SHANK2: variants seen among roughly 807,000 people sequenced by gnomAD.
SHANK2 encodes the protein SH3 and multiple ankyrin repeat domains protein 2.
In SHANK2, 43 loss-of-function variants were observed where a neutral mutation model predicts 133.7. The observed-to-expected ratio is 0.32, with a 90% CI of 0.25 to 0.41. SHANK2 has a LOEUF of 0.41. SHANK2 is among the 10% of genes least tolerant of loss of function. SHANK2 has a pLI of 1.00. For missense variants in SHANK2, 1,994 were observed against 2,235.8 expected (o/e 0.89, Z 2.18); for synonymous variants, 1,017 against 952.8 (o/e 1.07, Z -1.24).
chr11:71,196,954 C>T (rs1414508826), intron 2 of SHANK2, among the ~76,000 whole-genome samples: 6 of 144,972 alleles, frequency 4.1e-5, no homozygotes, highest in African/African-American at 1.0e-4. Flanking sequence ...GCTGAGATAG[C>T]GCCACCGCAC....
chr11:70,859,718 G>A (rs1441612170), intron 11 of SHANK2, among the ~76,000 whole-genome samples: 1 of 152,200 alleles, frequency 6.6e-6, no homozygotes, highest in Non-Finnish European at 1.5e-5. Context: ...CTTGAATGTG[G>A]TTTGACCTCC....
At chr11:70,949,503 G>A (rs1404004260) in intron 10 of SHANK2, among the ~76,000 whole-genome samples, 1 of 152,248 alleles carries the variant, frequency 6.6e-6, no homozygotes. Context: ...AACCTGAGAT[G>A]GACCAGAATC....
chr11:71,123,665 G>T (rs1952118758), intron 3 of SHANK2, among the ~76,000 whole-genome samples: 1 of 152,170 alleles, frequency 6.6e-6, no homozygotes, highest in Non-Finnish European at 1.5e-5. Context: ...TCTGATTCTG[G>T]TCTCCCCACA....
At chr11:71,174,131 A>T (rs1349754415) in intron 2 of SHANK2, among the ~76,000 whole-genome samples, 1 of 152,242 alleles carries the variant, frequency 6.6e-6, no homozygotes, top group Non-Finnish European at 1.5e-5. Context: ...TGTACGCTTC[A>T]AGTCTCATCC....
chr11:70,705,590 C>T (rs1455353981), intron 14 of SHANK2: 1 of 152,182 alleles, frequency 6.6e-6, no homozygotes, highest in African/African-American at 2.4e-5. Context: ...AGAGGAGACC[C>T]CTCTGCCTGT....
chr11:70,488,239 G>T (rs782215524), intron 24 of SHANK2, among the ~76,000 whole-genome samples: 4 of 152,210 alleles, frequency 2.6e-5, no homozygotes, highest in Non-Finnish European at 4.4e-5. Context: ...GCTGTCACCT[G>T]TGCATCTGAA....
chr11:71,097,159 C>T (rs782034916), intron 6 of SHANK2, among the ~76,000 whole-genome samples: 1 of 152,218 alleles, frequency 6.6e-6, no homozygotes, highest in Non-Finnish European at 1.5e-5. Flanking sequence ...ATGTTCCAGA[C>T]TTGCATGTTC....
chr11:70,852,828 G>A (rs1949108325), intron 11 of SHANK2, among the ~76,000 whole-genome samples: 1 of 152,234 alleles, frequency 6.6e-6, no homozygotes. Context: ...GGGCAACAAA[G>A]CAAGACTCTG....
intron 8 of SHANK2, among the ~76,000 whole-genome samples, chr11:71,080,220 T>C (rs957268149): frequency 9.2e-5 from 14 of 152,056 alleles, no homozygotes; most frequent in African/African-American, 3.1e-4. Flanking sequence ...AAAATGCATG[T>C]GTGGGAGGCT....
At chr11:70,600,086 T>C (rs781216682) in intron 17 of SHANK2, among the ~76,000 whole-genome samples, 13 of 152,174 alleles carry the variant, frequency 8.5e-5, no homozygotes, top group South Asian at 4.1e-4. Flanking sequence ...GGGTTTGTTG[T>C]TGCTGTTTTG....
intron 8 of SHANK2, among the ~76,000 whole-genome samples, chr11:71,086,423 T>G (rs1231040057): frequency 1.5e-5 from 2 of 131,018 alleles, no homozygotes; most frequent in African/African-American, 5.7e-5. Flanking sequence ...ATATAATACA[T>G]ATTATATATT....
chr11:71,155,723 T>C (rs75861036), intron 2 of SHANK2, among the ~76,000 whole-genome samples: 2 of 111,596 alleles, frequency 1.8e-5, no homozygotes, highest in Non-Finnish European at 3.4e-5. Flanking sequence ...CCACCCCAAG[T>C]AGAGTGACTA....
At chr11:71,073,174 T>TTTTTTTTTTTTTTTTTTTTTTA (rs1951171472) in intron 9 of SHANK2, among the ~76,000 whole-genome samples, 1 of 117,514 alleles carries the variant, frequency 8.5e-6, no homozygotes. Context: ...TCTTTTTTTT[T>TTTTTTTTTTTTTTTTTTTTTTA]TTGAGATAGA....
intron 10 of SHANK2, among the ~76,000 whole-genome samples, chr11:70,898,085 C>T (rs999248740): frequency 6.6e-6 from 1 of 151,520 alleles, no homozygotes; most frequent in Non-Finnish European, 1.5e-5. Context: ...GCCTCAGCCT[C>T]CTGAGTATCT....
intron 17 of SHANK2, among the ~76,000 whole-genome samples, chr11:70,595,577 AGAGGT>A (rs1476711901): frequency 6.6e-6 from 1 of 152,148 alleles, no homozygotes; most frequent in Non-Finnish European, 1.5e-5. Context: ...CTGTCACAGG[AGAGGT>A]GAGGGAAAGT....
intron 14 of SHANK2, among the ~76,000 whole-genome samples, chr11:70,729,401 G>A (rs1352012176): frequency 6.6e-6 from 1 of 152,112 alleles, no homozygotes; most frequent in Non-Finnish European, 1.5e-5. Context: ...TAGGGAGGAA[G>A]TAACTGCTTC....
At chr11:71,226,510 A>G (rs1954647132) in intron 1 of SHANK2, 1 of 152,248 alleles carries the variant, frequency 6.6e-6, no homozygotes, top group South Asian at 2.1e-4. Flanking sequence ...ATCAGAATTA[A>G]ACTTCTGAAC....
rs1555055697 is a variant in SHANK2 at position 70,820,584 on chromosome 11, T to G, written c.1273A>C (p.Asn425His). ...RVLLRSNSDN[N>H]LNASAPDWAV... Reference sequence around the variant, plus strand: ...CAGTCGGGAGCGCTGGCATTGAGGTTGTTGTCACTGTTGGAGCGCAGCAGG... The same window carrying G: ...CAGTCGGGAGCGCTGGCATTGAGGTGGTTGTCACTGTTGGAGCGCAGCAGG... Residue 425 changes from asparagine to histidine, a missense_variant, in exon 12 of 26, where the codon AAC (asparagine) becomes CAC (histidine). This residue lies in a region of SHANK2 where 653 missense variants were observed against 563.4 expected (regional missense o/e 1.16). Coordinates refer to ENST00000601538, the MANE Select transcript of SHANK2 (RefSeq NM_012309.5). 1.4e-6 allele frequency: 1 copy of G among 716,668 alleles called. No individual in the cohort carries two copies. The highest frequency in any genetic ancestry group is 1.7e-5 in the African/African-American group (1 of 57,362). 44.4% of individuals were successfully genotyped at this position (716,668 alleles called of 1,614,324 possible).
At chr11:70,759,548 T>G (rs910918392) in intron 14 of SHANK2, among the ~76,000 whole-genome samples, 4 of 152,192 alleles carry the variant, frequency 2.6e-5, no homozygotes, top group Admixed American at 2.6e-4. Context: ...GGGCACGTCT[T>G]GTTATGCTGC....
Sources: allele counts gnomAD v4.1 joint callset (sites outside exome capture counted in the v4.1 genomes callset), GRCh38; gene constraint gnomAD v4.1.1; regional missense constraint gnomAD v4.1.1; transcripts MANE v1.5; gene names NCBI Gene and HGNC (gene_info 2026-07-23, HGNC 2026-07-21).